GRM7: variants seen among roughly 807,000 people sequenced by gnomAD.
The protein encoded by GRM7 is glutamate metabotropic receptor 7.
In GRM7, 35 loss-of-function variants were observed where a neutral mutation model predicts 84.5. The observed-to-expected ratio is 0.41, with a 90% CI of 0.32 to 0.55. GRM7 has a LOEUF of 0.55. Ranked by LOEUF, GRM7 falls within the 20% of genes least tolerant of loss-of-function variation. The pLI is 0.19. For missense variants in GRM7, 1,003 were observed against 1,194.6 expected, an observed-to-expected ratio of 0.84 and a Z score of 2.36; for synonymous variants, 487 against 455.1, an observed-to-expected ratio of 1.07 and a Z score of -0.89.
intron 1 of GRM7, among the ~76,000 whole-genome samples, chr3:7,128,872 CATT>C (rs1221858373): frequency 6.6e-6 from 1 of 151,934 alleles, no homozygotes; most frequent in Non-Finnish European, 1.5e-5. Context: ...CATGGAGAAA[CATT>C]ATGGCAGAAA....
intron 1 of GRM7, among the ~76,000 whole-genome samples, chr3:6,876,124 C>T (rs952429109): frequency 4.6e-5 from 7 of 151,968 alleles, no homozygotes; most frequent in Admixed American, 2.0e-4. Flanking sequence ...AAAAATTATC[C>T]GGGCATGGCG....
chr3:7,706,767 C>A (rs1701401219), intron 9 of GRM7, among the ~76,000 whole-genome samples: 1 of 152,086 alleles, frequency 6.6e-6, no homozygotes. Flanking sequence ...TGATTAATTG[C>A]CTATGTGGTT....
intron 2 of GRM7, among the ~76,000 whole-genome samples, chr3:7,278,970 G>C (rs1699166563): frequency 6.6e-6 from 1 of 152,116 alleles, no homozygotes; most frequent in Admixed American, 6.6e-5. Context: ...ACAGTGACAG[G>C]TCCAATATAG....
At chr3:7,426,430 G>A (rs191782302) in intron 5 of GRM7, among the ~76,000 whole-genome samples, 1 of 152,204 alleles carries the variant, frequency 6.6e-6, no homozygotes, top group Admixed American at 6.5e-5. Flanking sequence ...CTCTAGAGGT[G>A]TCTGCATTTT....
chr3:6,890,391 A>C (rs1490283463), intron 1 of GRM7, among the ~76,000 whole-genome samples: 3 of 151,932 alleles, frequency 2.0e-5, no homozygotes, highest in African/African-American at 7.2e-5. Flanking sequence ...TTCTCTCTAC[A>C]CACTGCTTTG....
At chr3:7,105,853 C>G (rs1233205777) in intron 1 of GRM7, among the ~76,000 whole-genome samples, 1 of 151,468 alleles carries the variant, frequency 6.6e-6, no homozygotes, top group Non-Finnish European at 1.5e-5. Context: ...TGAATGTACA[C>G]AATAATATGC....
intron 7 of GRM7, among the ~76,000 whole-genome samples, chr3:7,534,646 G>C (rs1701172567): frequency 6.6e-6 from 1 of 151,950 alleles, no homozygotes; most frequent in Non-Finnish European, 1.5e-5. Context: ...CAGTCGTTGT[G>C]GTTATTCCAT....
chr3:7,034,193 C>T (rs1017486835), intron 1 of GRM7, among the ~76,000 whole-genome samples: 28 of 151,972 alleles, frequency 1.8e-4, no homozygotes, highest in African/African-American at 6.5e-4. Flanking sequence ...TCTTTTGTTC[C>T]TAAATTGCTG....
intron 7 of GRM7, among the ~76,000 whole-genome samples, chr3:7,519,360 T>TA (rs35567248): frequency 0.14 from 19,849 of 140,648 alleles, 1,502 homozygotes; most frequent in Middle Eastern, 0.29. Context: ...AGACCCTGTC[T>TA]AAAAAAAAAA....
chr3:6,930,094 A>T (rs1159537977), intron 1 of GRM7, among the ~76,000 whole-genome samples: 1 of 152,162 alleles, frequency 6.6e-6, no homozygotes, highest in Non-Finnish European at 1.5e-5. Flanking sequence ...CTGTGTGGCA[A>T]TCCCAACCCT....
chr3:7,443,759 G>A (rs1026487420), intron 5 of GRM7, among the ~76,000 whole-genome samples: 1 of 152,002 alleles, frequency 6.6e-6, no homozygotes, highest in African/African-American at 2.4e-5. Flanking sequence ...CATAGAATCT[G>A]TTTCTTAATT....
intron 1 of GRM7, among the ~76,000 whole-genome samples, chr3:7,074,512 T>A (rs974308958): frequency 6.6e-6 from 1 of 152,150 alleles, no homozygotes; most frequent in African/African-American, 2.4e-5. Context: ...TGCGACATTA[T>A]AAATACAAAA....
intron 1 of GRM7, among the ~76,000 whole-genome samples, chr3:6,992,841 T>C (rs1694694815): frequency 6.6e-6 from 1 of 152,174 alleles, no homozygotes; most frequent in African/African-American, 2.4e-5. Flanking sequence ...AAGCCAAATG[T>C]GAAGTCAGCT....
intron 4 of GRM7, among the ~76,000 whole-genome samples, chr3:7,309,612 G>A (rs141252878): frequency 4.6e-5 from 7 of 151,918 alleles, no homozygotes; most frequent in African/African-American, 1.4e-4. Flanking sequence ...CTGGATTTTC[G>A]GCCGGCATTT....
intron 7 of GRM7, among the ~76,000 whole-genome samples, chr3:7,550,577 CTGTGTGTGTGTGTG>C (rs369817211): frequency 1.3e-4 from 7 of 52,978 alleles, no homozygotes; most frequent in Non-Finnish European, 2.4e-4. Context: ...CTCTCTCTCT[CTGTGTGTGTGTGTG>C]TGTGTGTGTG....
At chr3:7,393,061 G>C (rs1281605568) in intron 4 of GRM7, among the ~76,000 whole-genome samples, 2 of 152,164 alleles carry the variant, frequency 1.3e-5, no homozygotes, top group African/African-American at 4.8e-5. Flanking sequence ...ACTCAGGCAA[G>C]TAGAGTGAGC....
At chr3:7,698,982 C>T (rs769120251) in intron 9 of GRM7, among the ~76,000 whole-genome samples, 2 of 152,060 alleles carry the variant, frequency 1.3e-5, no homozygotes, top group Non-Finnish European at 1.5e-5. Flanking sequence ...AACACTGGGG[C>T]GGGAAGTATT....
Position 7,298,276 on chromosome 3 carries a change from A to G in GRM7, c.737-408A>G, listed in dbSNP as rs187665678. On this transcript the variant is annotated intron_variant, in intron 2 of 9. Transcript: ENST00000357716. Reference sequence around the variant, plus strand: ...TGGGAATGCAAACGCCACAAAAGTAACAGAGATACACAGAGCTTTACCTGT... The same window carrying G: ...TGGGAATGCAAACGCCACAAAAGTAGCAGAGATACACAGAGCTTTACCTGT... Among the ~76,000 whole-genome samples, 17 of 152,270 alleles carry G rather than the reference A, an allele frequency of 1.1e-4. No homozygotes were observed. In the East Asian group the frequency reaches 3.3e-3, roughly 29 times the overall value.
At chr3:6,994,142 T>C (rs1275811905) in intron 1 of GRM7, among the ~76,000 whole-genome samples, 3 of 152,154 alleles carry the variant, frequency 2.0e-5, no homozygotes, top group African/African-American at 7.2e-5. Flanking sequence ...AAGAAAATAT[T>C]GAGCCAATAG....
Sources: allele counts gnomAD v4.1 joint callset (sites outside exome capture counted in the v4.1 genomes callset), GRCh38; gene constraint gnomAD v4.1.1; transcripts MANE v1.5; gene names NCBI Gene and HGNC (gene_info 2026-07-23, HGNC 2026-07-21).